ABHD6: variants seen among roughly 807,000 people sequenced by gnomAD.
The protein encoded by ABHD6 is abhydrolase domain containing 6, acylglycerol lipase, also known as monoacylglycerol lipase ABHD6.
ABHD6 carries 33 observed loss-of-function variants against 38.8 expected under a neutral mutation model. The ratio of observed to expected loss-of-function variants is 0.85; its 90% CI spans 0.64 to 1.14. The LOEUF is 1.14. Among genes scored for constraint, ABHD6 ranks in the 50% most tolerant of loss-of-function variants. The pLI is 0.00. For synonymous variants in ABHD6, 147 were observed against 161.6 expected, an observed-to-expected ratio of 0.91 and a Z score of 0.69; for missense variants, 380 against 422.6, an observed-to-expected ratio of 0.90 and a Z score of 0.88.
Position 58,256,730 on chromosome 3 carries a change from T to C in ABHD6, c.119+25T>C, listed in dbSNP as rs750553714. Reference sequence around the variant, plus strand: ...GGTAAGCCAGTTTTATCATTGATGTTTTCAAGAGTATCATAATATTGACAT... The same window carrying C: ...GGTAAGCCAGTTTTATCATTGATGTCTTCAAGAGTATCATAATATTGACAT... On this transcript the variant is annotated intron_variant, in intron 3 of 9. Coordinates refer to ENST00000478253, the MANE Select transcript of ABHD6 (RefSeq NM_001320126.2). This position sits in a 1 kb window ranked among gnomAD's most constrained non-coding sequence, Gnocchi z 4.3. The C allele has an allele frequency of 2.3e-5, 35 of 1,533,432 alleles. No homozygotes were observed. In the African/African-American group the frequency reaches 4.1e-4, roughly 18 times the overall value. The allele number at this position is 1,533,432 out of a possible 1,614,324, so 95.0% of individuals were successfully genotyped here.
At chr3:58,290,324 G>T (rs1249453894) in intron 9 of ABHD6, among the ~76,000 whole-genome samples, 1 of 142,548 alleles carries the variant, frequency 7.0e-6, no homozygotes, top group East Asian at 2.2e-4. Context: ...TCCCGGACGG[G>T]GCGGCTGGCC....
intron 7 of ABHD6, among the ~76,000 whole-genome samples, chr3:58,281,560 C>T (rs4681836): frequency 0.41 from 62,794 of 152,064 alleles, 13,717 homozygotes; most frequent in African/African-American, 0.56. Context: ...CCAGGTGAGG[C>T]GATGCCTGCC....
Position 58,256,953 on chromosome 3 carries a change from G to A in ABHD6, c.119+248G>A, listed in dbSNP as rs1440841910. Among the ~76,000 whole-genome samples, 1 of 152,106 alleles carries A rather than the reference G, an allele frequency of 6.6e-6. No individual in the cohort carries two copies. Among genetic ancestry groups the A allele is most frequent in the Non-Finnish European group, 1.5e-5 (1 of 68,028 alleles). On this transcript the variant is annotated intron_variant, in intron 3 of 9. Transcript: ENST00000478253. The surrounding 1 kb of genome is among the most constrained non-coding windows in gnomAD (Gnocchi z 4.3). ...GAGTTGTGCTCTGTTGCCCAGGCTG[G>A]AGTGCAGTGGGATGATCTCAGCTCA...
At chr3:58,258,813 C>G (rs1047398313) in intron 3 of ABHD6, among the ~76,000 whole-genome samples, 6 of 152,148 alleles carry the variant, frequency 3.9e-5, no homozygotes, top group African/African-American at 1.4e-4. Flanking sequence ...TGGAAGGGAG[C>G]TTTTCATCTT....
chr3:58,247,916 A>G (rs1212614242), intron 1 of ABHD6, among the ~76,000 whole-genome samples: 1 of 152,240 alleles, frequency 6.6e-6, no homozygotes, highest in Non-Finnish European at 1.5e-5. Flanking sequence ...GTAGCACTTC[A>G]AAAGGGACAA....
chr3:58,282,412 G>T (rs1259462432), intron 7 of ABHD6, among the ~76,000 whole-genome samples: 1 of 152,136 alleles, frequency 6.6e-6, no homozygotes, highest in Non-Finnish European at 1.5e-5. Context: ...CTGGGGAAAG[G>T]GGAGGAGTCC....
chr3:58,286,650 G>A (rs777393891), intron 9 of ABHD6, among the ~76,000 whole-genome samples: 16 of 151,246 alleles, frequency 1.1e-4, no homozygotes, highest in South Asian at 4.2e-4. Context: ...TTATAAAAAC[G>A]GGCAGTGAGC....
chr3:58,252,600 A>T (rs1301991861), intron 2 of ABHD6, among the ~76,000 whole-genome samples: 1 of 152,132 alleles, frequency 6.6e-6, no homozygotes, highest in African/African-American at 2.4e-5. Context: ...CCTAGTATAT[A>T]TGTTGTTATC....
intron 9 of ABHD6, among the ~76,000 whole-genome samples, chr3:58,291,446 A>ATGAGGTCT (rs2107484315): frequency 6.6e-6 from 1 of 152,042 alleles, no homozygotes; most frequent in South Asian, 2.1e-4. Context: ...TTTTGTAGAG[A>ATGAGGTCT]TGAGGTCTTA....
rs528992465 is a variant in ABHD6, at chr3:58,267,700, A to G, written c.276+355A>G. On this transcript the variant is annotated intron_variant, in intron 4 of 9. Transcript: ENST00000478253. This position sits in a 1 kb window ranked among gnomAD's most constrained non-coding sequence, Gnocchi z 4.3. ...AAATAAAAAAAGGAAGAAGAAGAAAAGGGTTTCCACTAGGACATGATGTCA... is the reference window on the plus strand; with the variant it reads ...AAATAAAAAAAGGAAGAAGAAGAAAGGGGTTTCCACTAGGACATGATGTCA... Among the ~76,000 whole-genome samples the G allele has an allele frequency of 8.6e-5, 13 of 152,028 alleles. No individual in the cohort carries two copies. The highest frequency in any genetic ancestry group is 3.2e-3 in the Middle Eastern group (1 of 316).
In ABHD6 at chr3:58,256,594, T is replaced by C. The variant is rs1037839144; in HGVS notation, c.8T>C (p.Leu3Pro). The change falls in exon 3 of 10, where the codon CTT (leucine) becomes CCT (proline). Residue 3 changes from leucine (L) to proline (P), a missense_variant. Leu to Pro is a moderately conservative substitution (Grantham distance 98). Transcript: ENST00000478253. This position sits in a 1 kb window ranked among gnomAD's most constrained non-coding sequence, Gnocchi z 4.3. ...CCAGCCTGAAAGAGCAGGATGGATC[T>C]TGATGTGGTTAACATGTTTGTGATT... MD[L>P]DVVNMFVIAG... The C allele has an allele frequency of 3.7e-6, 6 of 1,613,974 alleles. No individual in the cohort carries two copies. The highest frequency in any genetic ancestry group is 5.1e-6 in the Non-Finnish European group (6 of 1,179,876).
At chr3:58,247,849 C>T (rs2097427469) in intron 1 of ABHD6, among the ~76,000 whole-genome samples, 1 of 152,256 alleles carries the variant, frequency 6.6e-6, no homozygotes, top group Non-Finnish European at 1.5e-5. Context: ...CCTGGGATTA[C>T]AGGCGTGAGC....
Position 58,285,217 on chromosome 3 carries a change from C to CT in ABHD6, c.736+79dup. On this transcript the variant is annotated intron_variant, in intron 8 of 9. Transcript: ENST00000478253. The surrounding 1 kb of genome is among the most constrained non-coding windows in gnomAD (Gnocchi z 4.9). ...TGGATGGCTTTTATTTCTTAAATCT[C>CT]TGACACTTTGAATGTCTCTTTGGGC... The CT allele has an allele frequency of 6.4e-7, 1 of 1,557,078 alleles. No homozygotes were observed. Among genetic ancestry groups the CT allele is most frequent in the Non-Finnish European group, 8.9e-7 (1 of 1,128,274 alleles).
intron 9 of ABHD6, among the ~76,000 whole-genome samples, chr3:58,289,349 G>T (rs2097459802): frequency 6.6e-6 from 1 of 151,660 alleles, no homozygotes; most frequent in Admixed American, 6.6e-5. Context: ...GTGAACAAAG[G>T]TCTCTGGTTT....
rs531582234 is a variant in ABHD6 at position 58,256,554 on chromosome 3, C to T, written c.-25-8C>T. On this transcript the variant is annotated splice_polypyrimidine_tract_variant and splice_region_variant and intron_variant, in intron 2 of 9. Transcript: ENST00000478253. This position sits in a 1 kb window ranked among gnomAD's most constrained non-coding sequence, Gnocchi z 4.3. ...TTTTAATATCGTCATTCTCTTTGGCCCCTGCAGGAGTCAGCCAGCCTGAAA... is the reference window on the plus strand; with the variant it reads ...TTTTAATATCGTCATTCTCTTTGGCTCCTGCAGGAGTCAGCCAGCCTGAAA... The T allele has an allele frequency of 6.7e-7, 1 of 1,501,320 alleles. No individual in the cohort carries two copies. Among genetic ancestry groups the T allele is most frequent in the Non-Finnish European group, 9.2e-7 (1 of 1,082,340 alleles). 93.0% of individuals were successfully genotyped at this position (1,501,320 alleles called of 1,614,324 possible).
chr3:58,269,917 G>A lies in ABHD6; in HGVS notation c.390+483G>A, dbSNP rs1266601099. Among the ~76,000 whole-genome samples, 3 of 152,162 alleles carry A rather than the reference G, an allele frequency of 2.0e-5. No individual in the cohort carries two copies. The highest frequency in any genetic ancestry group is 7.2e-5 in the African/African-American group (3 of 41,434). ...AGGAGTTTAAGAGCCATTTCAGAATGGGGTAGCCTGTAAGTTTCAGGTTGA... is the reference window on the plus strand; with the variant it reads ...AGGAGTTTAAGAGCCATTTCAGAATAGGGTAGCCTGTAAGTTTCAGGTTGA... On this transcript the variant is annotated intron_variant, in intron 5 of 9. Transcript: ENST00000478253. The surrounding 1 kb of genome is among the most constrained non-coding windows in gnomAD (Gnocchi z 4.4).
At position 58,259,866 on chromosome 3, in the gene ABHD6, TG is replaced by T. The variant is rs1365991531; in HGVS notation, c.119+3163del. Among the ~76,000 whole-genome samples, 6 of 152,212 alleles carry T rather than the reference TG, an allele frequency of 3.9e-5. No individual in the cohort carries two copies. The highest frequency in any genetic ancestry group is 1.4e-4 in the African/African-American group (6 of 41,458). On this transcript the variant is annotated intron_variant, in intron 3 of 9. Coordinates refer to ENST00000478253, the MANE Select transcript of ABHD6 (RefSeq NM_001320126.2). The surrounding 1 kb of genome is among the most constrained non-coding windows in gnomAD (Gnocchi z 4.7). ...CCAGTTTCTCCCTCACTTCATCTTCTGGCAACCACTCATCTACTTCCTGTCT... is the reference window on the plus strand; with the variant it reads ...CCAGTTTCTCCCTCACTTCATCTTCTGCAACCACTCATCTACTTCCTGTCT...
intron 1 of ABHD6, among the ~76,000 whole-genome samples, chr3:58,243,527 T>A (rs1350208421): frequency 2.0e-5 from 3 of 151,716 alleles, no homozygotes; most frequent in Non-Finnish European, 2.9e-5. Context: ...ACAGAGGACG[T>A]CTTATAGGTA....
At position 58,285,194 on chromosome 3, in the gene ABHD6, G is replaced by C; in HGVS notation, c.736+55G>C. The C allele has an allele frequency of 4.4e-6, 7 of 1,580,026 alleles. No individual in the cohort carries two copies. Among genetic ancestry groups the C allele is most frequent in the Non-Finnish European group, 6.1e-6 (7 of 1,149,128 alleles). ...TGTTACAAGTGAAGCTCTGTGGATG[G>C]ATGGCTTTTATTTCTTAAATCTCTG... is the stretch of plus-strand genomic sequence containing the variant. On this transcript the variant is annotated intron_variant, in intron 8 of 9. Transcript: ENST00000478253. This position sits in a 1 kb window ranked among gnomAD's most constrained non-coding sequence, Gnocchi z 4.9.
Sources: allele counts gnomAD v4.1 joint callset (sites outside exome capture counted in the v4.1 genomes callset), GRCh38; gene constraint gnomAD v4.1.1; non-coding constraint Gnocchi (gnomAD v3.1); transcripts MANE v1.5; gene names NCBI Gene and HGNC (gene_info 2026-07-23, HGNC 2026-07-21).